Variants in HPSE2 observed in about 807,000 individuals in gnomAD.
HPSE2 encodes the protein heparanase 2 (inactive).
Under a neutral mutation model 60.5 loss-of-function variants are expected in HPSE2, and 38 were observed. That is an observed-to-expected ratio of 0.63 (90% CI 0.48 to 0.82). HPSE2 has a LOEUF of 0.82. Ranked by LOEUF, HPSE2 falls within the 40% of genes least tolerant of loss-of-function variation. The probability of loss-of-function intolerance (pLI) is 0.00; values close to 1 mark genes in which losing one functional copy is unlikely to be tolerated. For synonymous variants in HPSE2, 295 were observed against 293.2 expected (o/e 1.01, Z -0.06); for missense variants, 713 against 740.4 (o/e 0.96, Z 0.43).
chr10:98,886,253 A>C (rs1953161913), intron 3 of HPSE2, among the ~76,000 whole-genome samples: 2 of 152,146 alleles, frequency 1.3e-5, no homozygotes, highest in Admixed American at 6.6e-5. Flanking sequence ...AATACTGTAA[A>C]TATTCATATA....
At chr10:98,776,735 G>C (rs1468803117) in intron 3 of HPSE2, among the ~76,000 whole-genome samples, 1 of 151,508 alleles carries the variant, frequency 6.6e-6, no homozygotes, top group East Asian at 1.9e-4. Context: ...TGGTGGGGTA[G>C]TGGGTGGGAA....
chr10:98,460,132 T>C (rs925427215), intron 11 of HPSE2, among the ~76,000 whole-genome samples: 31 of 152,192 alleles, frequency 2.0e-4, no homozygotes, highest in African/African-American at 7.2e-4. Context: ...AAAATCACAA[T>C]ATCAGCTCAG....
At chr10:98,620,564 T>C in intron 8 of HPSE2, 38 bp downstream of exon 8, 2 of 1,475,266 alleles carry the variant, frequency 1.4e-6, no homozygotes, top group Non-Finnish European at 9.5e-7. Flanking sequence ...CCTTCCCTCC[T>C]GAAAGCCCCT....
intron 3 of HPSE2, among the ~76,000 whole-genome samples, chr10:99,105,561 G>A (rs1844212307): frequency 7.0e-6 from 1 of 143,436 alleles, no homozygotes; most frequent in South Asian, 2.2e-4. Flanking sequence ...GCAATTTTTT[G>A]TCCAGCTTGT....
chr10:98,890,316 A>T (rs1193748035), intron 3 of HPSE2, among the ~76,000 whole-genome samples: 1 of 152,164 alleles, frequency 6.6e-6, no homozygotes, highest in Non-Finnish European at 1.5e-5. Context: ...TAACTGAAAA[A>T]AACCTAAATG....
At chr10:99,254,416 G>T in the HPSE2 span, among the ~76,000 whole-genome samples, 17 of 152,038 alleles carry the variant, frequency 1.1e-4, no homozygotes, top group Non-Finnish European at 2.5e-4. Context: ...AGAGAAGGAA[G>T]GTTGAAAAAC....
chr10:99,088,960 G>A (rs983840198), intron 3 of HPSE2, among the ~76,000 whole-genome samples: 30 of 152,008 alleles, frequency 2.0e-4, no homozygotes, highest in African/African-American at 7.0e-4. Context: ...CATGTTTGTT[G>A]GCCATTTGTA....
At chr10:98,942,350 C>G (rs1564676612) in intron 3 of HPSE2, among the ~76,000 whole-genome samples, 1 of 143,942 alleles carries the variant, frequency 6.9e-6, no homozygotes, top group Non-Finnish European at 1.5e-5. Context: ...GGGCTAATAT[C>G]CAGAATCTAC....
In HPSE2 at chr10:98,936,575, C is replaced by T. The variant is rs1015438719; in HGVS notation, c.611-192519G>A. On this transcript the variant is annotated intron_variant, in intron 3 of 11. Transcript: ENST00000370552. ...TCCGTGCACTTCCCAGGTGAAGTGA[C>T]GCCCCACCCTGTTTCTGCTCTTCCC... Among the ~76,000 whole-genome samples the T allele has an allele frequency of 2.8e-5, 4 of 143,606 alleles. 1 individual carries two copies. The highest frequency in any genetic ancestry group is 6.0e-5 in the Non-Finnish European group (4 of 67,082). 94.2% of individuals were successfully genotyped at this position (143,606 alleles called of 152,430 possible).
chr10:98,492,053 T>G (rs1333418912), intron 9 of HPSE2, among the ~76,000 whole-genome samples: 1 of 152,228 alleles, frequency 6.6e-6, no homozygotes, highest in African/African-American at 2.4e-5. Flanking sequence ...TTCATTCCAA[T>G]GTCTTATCAC....
intron 3 of HPSE2, among the ~76,000 whole-genome samples, chr10:98,781,499 A>T (rs576547105): frequency 6.6e-6 from 1 of 152,334 alleles, no homozygotes; most frequent in Non-Finnish European, 1.5e-5. Context: ...TATCGTTAAC[A>T]TAAACGAAGT....
chr10:98,962,820 TC>T (rs1955714017), intron 3 of HPSE2, among the ~76,000 whole-genome samples: 1 of 151,274 alleles, frequency 6.6e-6, no homozygotes, highest in Non-Finnish European at 1.5e-5. Flanking sequence ...ATGGGTGAAC[TC>T]CCATTCACAA....
At chr10:98,554,829 C>T (rs1404027927) in intron 9 of HPSE2, among the ~76,000 whole-genome samples, 3 of 152,148 alleles carry the variant, frequency 2.0e-5, no homozygotes, top group Admixed American at 1.3e-4. Flanking sequence ...GGCTTGGTCT[C>T]TTCATAGCTA....
chr10:98,893,059 TTTTA>T (rs972747170), intron 3 of HPSE2, among the ~76,000 whole-genome samples: 31 of 151,976 alleles, frequency 2.0e-4, no homozygotes, highest in African/African-American at 6.3e-4. Flanking sequence ...TTATTTTTAA[TTTTA>T]TTTATTTATT....
At chr10:98,717,663 C>G (rs1010035222) in intron 5 of HPSE2, among the ~76,000 whole-genome samples, 3 of 151,970 alleles carry the variant, frequency 2.0e-5, no homozygotes, top group Non-Finnish European at 4.4e-5. Flanking sequence ...AGTTTGCCAT[C>G]TTATAGTTCA....
chr10:99,045,057 T>C (rs1029427362), intron 3 of HPSE2, among the ~76,000 whole-genome samples: 1 of 152,154 alleles, frequency 6.6e-6, no homozygotes, highest in South Asian at 2.1e-4. Flanking sequence ...AATGACAGAA[T>C]ATACATTCTT....
intron 3 of HPSE2, among the ~76,000 whole-genome samples, chr10:98,926,646 T>C (rs1265883400): frequency 6.6e-6 from 1 of 152,102 alleles, no homozygotes; most frequent in East Asian, 1.9e-4. Context: ...TATCAACCTG[T>C]CTTCAAGGCA....
At chr10:98,943,146 G>C (rs1048266452) in intron 3 of HPSE2, among the ~76,000 whole-genome samples, 5 of 151,096 alleles carry the variant, frequency 3.3e-5, no homozygotes, top group Non-Finnish European at 7.4e-5. Flanking sequence ...ACGAGTTGGT[G>C]GGTGCAGCAC....
chr10:98,945,262 T>G (rs985795745), intron 3 of HPSE2, among the ~76,000 whole-genome samples: 1 of 152,166 alleles, frequency 6.6e-6, no homozygotes, highest in African/African-American at 2.4e-5. Flanking sequence ...ATGGTCACAA[T>G]GTACAAGTTT....
Sources: gnomAD v4.1 joint callset for allele counts (sites outside exome capture counted in the v4.1 genomes callset) on GRCh38, gnomAD v4.1.1 for gene constraint, MANE v1.5 for transcripts, NCBI Gene and HGNC (gene_info 2026-07-23, HGNC 2026-07-21) for gene names.